The following RIMBP2 variants were observed in gnomAD, a reference collection of about 807,000 sequenced individuals.
RIMBP2 encodes the protein RIMS-binding protein 2.
Under a neutral mutation model 118.6 loss-of-function variants are expected in RIMBP2, and 48 were observed. The ratio of observed to expected loss-of-function variants is 0.40; its 90% CI spans 0.32 to 0.51. The LOEUF (loss-of-function observed/expected upper bound fraction) is 0.51. Among genes scored for constraint, RIMBP2 ranks in the 20% least tolerant of loss-of-function variants. RIMBP2 has a pLI of 0.41. For missense variants in RIMBP2, 1,551 were observed against 1,768.3 expected (o/e 0.88, Z 2.20); for synonymous variants, 762 against 742.9 (o/e 1.03, Z -0.42).
intron 1 of RIMBP2, among the ~76,000 whole-genome samples, chr12:130,632,431 G>A (rs1594108107): frequency 6.6e-6 from 1 of 152,288 alleles, no homozygotes; most frequent in East Asian, 1.9e-4. Flanking sequence ...AAAAATTGGG[G>A]GGTGGGGCAA....
At chr12:130,410,265 T>G (rs1565990691) in intron 19 of RIMBP2, among the ~76,000 whole-genome samples, 1 of 152,252 alleles carries the variant, frequency 6.6e-6, no homozygotes, top group Non-Finnish European at 1.5e-5. Context: ...AAGGTCTTTG[T>G]GTATTCTGAA....
intron 1 of RIMBP2, among the ~76,000 whole-genome samples, chr12:130,647,184 G>A (rs984128754): frequency 2.6e-5 from 4 of 152,164 alleles, no homozygotes; most frequent in African/African-American, 4.8e-5. Flanking sequence ...CCAACATGGT[G>A]AAACCCTGCC....
intron 1 of RIMBP2, among the ~76,000 whole-genome samples, chr12:130,677,635 A>G (rs7958924): frequency 6.6e-6 from 1 of 151,710 alleles, no homozygotes; most frequent in Non-Finnish European, 1.5e-5. Context: ...CTCAAAAAAA[A>G]CAAACAAAAA....
intron 5 of RIMBP2, among the ~76,000 whole-genome samples, chr12:130,474,880 A>C (rs1240881041): frequency 6.6e-6 from 1 of 152,130 alleles, no homozygotes; most frequent in Non-Finnish European, 1.5e-5. Context: ...GCCTGTTCTC[A>C]CACCGTCCCA....
chr12:130,607,711 C>T (rs1475130644), intron 2 of RIMBP2, among the ~76,000 whole-genome samples: 1 of 152,010 alleles, frequency 6.6e-6, no homozygotes, highest in African/African-American at 2.4e-5. Context: ...AGAAACTGCT[C>T]GGAATGCTCA....
intron 13 of RIMBP2, 113 bp downstream of exon 13, chr12:130,436,729 C>G (rs1014852072): frequency 4.6e-6 from 4 of 871,486 alleles, no homozygotes; most frequent in East Asian, 6.6e-5. Context: ...GCGCGGCCCC[C>G]CTCCCTGCAA....
At chr12:130,529,431 G>A (rs1234737345) in intron 2 of RIMBP2, among the ~76,000 whole-genome samples, 2 of 152,166 alleles carry the variant, frequency 1.3e-5, no homozygotes, top group Non-Finnish European at 1.5e-5. Flanking sequence ...TGCAGAGACA[G>A]AAAGCAGATT....
At chr12:130,433,450 C>A (rs909522943) in intron 14 of RIMBP2, among the ~76,000 whole-genome samples, 4 of 152,184 alleles carry the variant, frequency 2.6e-5, no homozygotes, top group African/African-American at 9.7e-5. Context: ...AATCACCCTG[C>A]CCTTCCCTCT....
At chr12:130,397,686 C>A in intron 22 of RIMBP2, 137 bp from the exon 23 acceptor site, 1 of 394,006 alleles carries the variant, frequency 2.5e-6, no homozygotes. Context: ...TTGAAGTATG[C>A]CATGAGAAGC....
At chr12:130,574,798 G>A (rs377755754) in intron 2 of RIMBP2, among the ~76,000 whole-genome samples, 22 of 151,870 alleles carry the variant, frequency 1.4e-4, no homozygotes, top group Non-Finnish European at 2.1e-4. Flanking sequence ...CACTGTGGCC[G>A]TCACCCACTG....
chr12:130,538,786 G>A (rs553099233), intron 2 of RIMBP2, among the ~76,000 whole-genome samples: 36 of 152,278 alleles, frequency 2.4e-4, no homozygotes, highest in Middle Eastern at 3.4e-3. Flanking sequence ...CTCTCCCAGA[G>A]AGGCTTGAGA....
chr12:130,442,931 AC>A lies in RIMBP2; in HGVS notation c.692-272del, dbSNP rs1273374128. Among the ~76,000 whole-genome samples the A allele has an allele frequency of 6.6e-6, 1 of 152,132 alleles. No homozygotes were observed. The highest frequency in any genetic ancestry group is 2.4e-5 in the African/African-American group (1 of 41,414). Reference sequence around the variant, plus strand: ...CATGTTTGTGTATCCGTGTACGTACACTGACTACCCCCTCCCAACACGAACA... The same window carrying A: ...CATGTTTGTGTATCCGTGTACGTACATGACTACCCCCTCCCAACACGAACA... On this transcript the variant is annotated intron_variant, in intron 10 of 22. Coordinates refer to ENST00000690449, the MANE Select transcript of RIMBP2 (RefSeq NM_001393629.1). This position sits in a 1 kb window ranked among gnomAD's most constrained non-coding sequence, Gnocchi z 6.9.
chr12:130,438,334 A>ATCCGGGGGGCCCCCC, intron 12 of RIMBP2, 31 bp downstream of exon 12: 1 of 1,344,516 alleles, frequency 7.4e-7, no homozygotes, highest in Non-Finnish European at 1.1e-6. Flanking sequence ...GGGCCTAACA[A>ATCCGGGGGGCCCCCC]ACCCTCCCCA....
At chr12:130,484,096 G>C (rs188713093) in intron 4 of RIMBP2, among the ~76,000 whole-genome samples, 1 of 152,190 alleles carries the variant, frequency 6.6e-6, no homozygotes, top group Non-Finnish European at 1.5e-5. Flanking sequence ...GTCTGCCGGC[G>C]ACTGTCACTT....
chr12:130,449,814 G>C (rs1566058743), intron 9 of RIMBP2, among the ~76,000 whole-genome samples: 1 of 152,046 alleles, frequency 6.6e-6, no homozygotes, highest in Non-Finnish European at 1.5e-5. Context: ...TGGAGGCAGA[G>C]ACTGGAGCCA....
intron 1 of RIMBP2, among the ~76,000 whole-genome samples, chr12:130,713,394 C>T (rs1950105211): frequency 6.6e-6 from 1 of 152,098 alleles, no homozygotes; most frequent in African/African-American, 2.4e-5. Context: ...GTGGCACCAG[C>T]ATCACCAACA....
chr12:130,424,023 G>C lies in RIMBP2; in HGVS notation c.3129+119C>G. On this transcript the variant is annotated intron_variant, in intron 16 of 22. Coordinates refer to ENST00000690449, the MANE Select transcript of RIMBP2 (RefSeq NM_001393629.1). This position sits in a 1 kb window ranked among gnomAD's most constrained non-coding sequence, Gnocchi z 9.8. ...GAGAAATCAAAAATGCAGGGAAAAC[G>C]AAAGACAGCCAGCAAGAGAGTCCCC... 9.9e-6 allele frequency: 5 copies of C among 505,874 alleles called. No individual in the cohort carries two copies. The highest frequency in any genetic ancestry group is 4.0e-5 in the African/African-American group (2 of 50,580). 31.3% of individuals were successfully genotyped at this position (505,874 alleles called of 1,614,324 possible).
In RIMBP2 at chr12:130,646,418, ACCACTTCCCTCT is replaced by A. The variant is rs1387595876; in HGVS notation, c.-351-17974_-351-17963del. Among the ~76,000 whole-genome samples the A allele has an allele frequency of 1.6e-3, 34 of 21,700 alleles. 10 individuals are homozygous for A. The highest frequency in any genetic ancestry group is 2.6e-3 in the Non-Finnish European group (22 of 8,324). The allele number at this position is 21,700 out of a possible 152,430, so 14.2% of individuals were successfully genotyped here. A position where few individuals can be genotyped will look rare whatever the true frequency, so the allele number is the denominator to read the frequency against. The stretch of plus-strand genomic sequence containing the variant: ...CACCACCTGCCTCTCCACCTCCCTC[ACCACTTCCCTCT>A]CCACCTCCCTTGCCACCTCCCTCGC... On this transcript the variant is annotated intron_variant, in intron 1 of 22. Transcript: ENST00000690449.
At chr12:130,590,573 G>T (rs1339460124) in intron 2 of RIMBP2, among the ~76,000 whole-genome samples, 2 of 152,188 alleles carry the variant, frequency 1.3e-5, no homozygotes, top group Non-Finnish European at 2.9e-5. Context: ...TGAGGATCTT[G>T]CACTAAAGAA....
Sources: gnomAD v4.1 joint callset for allele counts (sites outside exome capture counted in the v4.1 genomes callset) on GRCh38, gnomAD v4.1.1 for gene constraint, Gnocchi (gnomAD v3.1) non-coding constraint, MANE v1.5 for transcripts, NCBI Gene and HGNC (gene_info 2026-07-23, HGNC 2026-07-21) for gene names.